MTDH: variants seen among roughly 807,000 people sequenced by gnomAD.
The protein encoded by MTDH is protein LYRIC.
A neutral mutation model predicts 72.7 loss-of-function variants in MTDH; 34 were observed. The ratio of observed to expected loss-of-function variants is 0.47; its 90% CI spans 0.36 to 0.62. The LOEUF (loss-of-function observed/expected upper bound fraction) is 0.62. Ranked by LOEUF, MTDH falls within the 20% of genes least tolerant of loss-of-function variation. The pLI is 0.00. For missense variants in MTDH, 677 were observed against 699.4 expected, an observed-to-expected ratio of 0.97 and a Z score of 0.36; for synonymous variants, 266 against 268.9, an observed-to-expected ratio of 0.99 and a Z score of 0.10.
At position 97,644,637 on chromosome 8, in the gene MTDH, C is replaced by T. The variant is rs748707623; in HGVS notation, c.131C>T (p.Pro44Leu). 2 of 1,610,094 alleles carry T rather than the reference C, an allele frequency of 1.2e-6. No individual in the cohort carries two copies. Among genetic ancestry groups the T allele is most frequent in the Admixed American group, 1.7e-5 (1 of 59,900 alleles). The change falls in exon 1 of 12, where the codon CCG becomes CTG. Residue 44 changes from proline to leucine, a missense_variant. Pro to Leu is a moderately conservative substitution (Grantham distance 98). Around this residue, in one of 3 missense-constraint regions of MTDH, gnomAD observed 467 missense variants for 469.1 expected, o/e 1.00. Coordinates refer to ENST00000336273, the MANE Select transcript of MTDH (RefSeq NM_178812.4). ...CTGGGCCTCGACCTGGGGCTGGAGC[C>T]GAAACGGTACCCCGGCTGGGTGATC... is the stretch of plus-strand genomic sequence containing the variant. ...TELGLDLGLE[P>L]KRYPGWVILV...
At chr8:97,675,579 A>G (rs962681107) in intron 2 of MTDH, among the ~76,000 whole-genome samples, 1 of 130,846 alleles carries the variant, frequency 7.6e-6, no homozygotes, top group Non-Finnish European at 1.6e-5. Context: ...AAAAAAAAAA[A>G]TTACATTCAG....
At chr8:97,686,868 T>C in intron 3 of MTDH, 116 bp downstream of exon 3, 1 of 567,726 alleles carries the variant, frequency 1.8e-6, no homozygotes, top group Non-Finnish European at 2.9e-6. Context: ...TCTTTTTTAT[T>C]ACTGTAGACC....
At position 97,644,643 on chromosome 8, in the gene MTDH, G is replaced by A. The variant is rs370173092; in HGVS notation, c.137G>A (p.Arg46Gln). 2 of 1,610,062 alleles carry A rather than the reference G, an allele frequency of 1.2e-6. No individual in the cohort carries two copies. Among genetic ancestry groups the A allele is most frequent in the Non-Finnish European group, 1.7e-6 (2 of 1,179,118 alleles). The change falls in exon 1 of 12, where the codon CGG becomes CAG. Residue 46 changes from arginine to glutamine, a missense_variant. This residue lies in a region of MTDH where 467 missense variants were observed against 469.1 expected (regional missense o/e 1.00). Coordinates refer to ENST00000336273, the MANE Select transcript of MTDH (RefSeq NM_178812.4). The part of the protein sequence containing the change: ...LGLDLGLEPK[R>Q]YPGWVILVGT... The stretch of plus-strand genomic sequence containing the variant: ...CTCGACCTGGGGCTGGAGCCGAAAC[G>A]GTACCCCGGCTGGGTGATCCTGGTG...
At chr8:97,697,381 GTTTTTTT>G (rs755015450) in intron 6 of MTDH, among the ~76,000 whole-genome samples, 2 of 80,176 alleles carry the variant, frequency 2.5e-5, no homozygotes, top group South Asian at 5.0e-4. Context: ...TATTATTTCG[GTTTTTTT>G]TTTTTTTTTT....
At chr8:97,651,700 G>A (rs1811779028) in intron 1 of MTDH, among the ~76,000 whole-genome samples, 1 of 152,140 alleles carries the variant, frequency 6.6e-6, no homozygotes, top group Non-Finnish European at 1.5e-5. Flanking sequence ...CTGTATATTA[G>A]TCCCTATCTG....
chr8:97,661,601 G>A (rs542327073), intron 2 of MTDH, among the ~76,000 whole-genome samples: 5 of 152,222 alleles, frequency 3.3e-5, no homozygotes, highest in South Asian at 4.1e-4. Context: ...CTGTTGTGTT[G>A]GAAACATAAT....
chr8:97,722,882 A>G lies in MTDH; in HGVS notation c.1525A>G (p.Ile509Val), dbSNP rs1156339511. Residue 509 changes from isoleucine (I) to valine (V), a missense_variant, in exon 11 of 12, where the codon ATC becomes GTC. Around this residue, in one of 3 missense-constraint regions of MTDH, gnomAD observed 201 missense variants for 204.5 expected, o/e 0.98. Transcript: ENST00000336273. ...AEVLVKNSQPIKTLPPATSTE... is the reference protein window; with the variant it reads ...AEVLVKNSQPVKTLPPATSTE... ...AGATGATTTTTTCCTAAAATAGCCT[A>G]TCAAGACTCTTCCACCTGCTACTTC... 1.9e-6 allele frequency: 3 copies of G among 1,606,440 alleles called. No individual in the cohort carries two copies. The East Asian group carries it at 6.7e-5, about 36-fold the overall frequency.
Position 97,724,636 on chromosome 8 carries a change from TAAAAA to T in MTDH, c.1717_1721del (p.Lys573GlufsTer25). ...ACTAGCTGGGAATCTCCCAAACAAA[TAAAAA>T]AGAAGAAAAAAGCCAGACGAGAAAC... On this transcript the variant is annotated frameshift_variant, in exon 12 of 12. Coordinates refer to ENST00000336273, the MANE Select transcript of MTDH (RefSeq NM_178812.4). LOFTEE classifies it high-confidence loss of function. The T allele has an allele frequency of 6.3e-7, 1 of 1,593,400 alleles. No individual in the cohort carries two copies.
At chr8:97,695,554 A>T (rs1813801474) in intron 6 of MTDH, among the ~76,000 whole-genome samples, 1 of 152,250 alleles carries the variant, frequency 6.6e-6, no homozygotes, top group African/African-American at 2.4e-5. Context: ...GGAAAATGAA[A>T]GGGAACTATA....
chr8:97,663,532 A>C (rs1812254467), intron 2 of MTDH, among the ~76,000 whole-genome samples: 3 of 151,682 alleles, frequency 2.0e-5, no homozygotes, highest in African/African-American at 7.3e-5. Context: ...GCAGATCACG[A>C]GGTCAGGAGA....
intron 9 of MTDH, among the ~76,000 whole-genome samples, chr8:97,717,311 C>T (rs546896830): frequency 2.1e-4 from 32 of 152,262 alleles, no homozygotes; most frequent in South Asian, 6.2e-4. Context: ...ATACAGTAAT[C>T]CTTCTATTTA....
intron 2 of MTDH, among the ~76,000 whole-genome samples, chr8:97,682,981 A>G (rs185195904): frequency 6.7e-6 from 1 of 149,962 alleles, no homozygotes; most frequent in East Asian, 2.0e-4. Flanking sequence ...TTGCAAGGGT[A>G]AAGTGGATCA....
At chr8:97,653,070 G>T (rs1163707861) in intron 1 of MTDH, among the ~76,000 whole-genome samples, 1 of 150,512 alleles carries the variant, frequency 6.6e-6, no homozygotes, top group Non-Finnish European at 1.5e-5. Flanking sequence ...AGTGAGCCGA[G>T]ATCGCACCAC....
chr8:97,697,150 A>ATATATATATATATATTTT, intron 6 of MTDH, among the ~76,000 whole-genome samples: 1 of 68,796 alleles, frequency 1.5e-5, no homozygotes, highest in African/African-American at 9.1e-5. Context: ...ATATATATAT[A>ATATATATATATATATTTT]TTTTTTTTTT....
intron 7 of MTDH, among the ~76,000 whole-genome samples, chr8:97,705,017 G>A (rs937148791): frequency 6.6e-6 from 1 of 152,324 alleles, no homozygotes; most frequent in Non-Finnish European, 1.5e-5. Flanking sequence ...AATTGAGTAA[G>A]GCCGGGCACA....
intron 2 of MTDH, among the ~76,000 whole-genome samples, chr8:97,666,529 C>A (rs1022491377): frequency 3.3e-4 from 50 of 152,172 alleles, no homozygotes; most frequent in African/African-American, 1.2e-3. Context: ...CCCTAGTGAC[C>A]CTTTCATTAG....
intron 9 of MTDH, among the ~76,000 whole-genome samples, chr8:97,716,016 C>T (rs1362174472): frequency 1.3e-5 from 2 of 151,708 alleles, no homozygotes; most frequent in Non-Finnish European, 2.9e-5. Flanking sequence ...GCACAAGTTA[C>T]ATAATTGCAT....
At position 97,727,012 on chromosome 8, in the gene MTDH, A is replaced by C. The variant is rs1209312069; in HGVS notation, c.*2342A>C. 6.6e-6 allele frequency: 1 copy of C among 151,316 alleles called. No individual in the cohort carries two copies. The highest frequency in any genetic ancestry group is 1.5e-5 in the Non-Finnish European group (1 of 67,896). 9.4% of individuals were successfully genotyped at this position (151,316 alleles called of 1,614,324 possible). On this transcript the variant is annotated 3_prime_UTR_variant, in exon 12 of 12. Coordinates refer to ENST00000336273, the MANE Select transcript of MTDH (RefSeq NM_178812.4). ...AGAATCATTTGAACCCAGGAGACGG[A>C]GTTTGCAAAGCCAAGATCGTGCCAC...
rs866434535 is a variant in MTDH at position 97,698,128 on chromosome 8, A to G, written c.1049-1626A>G. The stretch of plus-strand genomic sequence containing the variant: ...TCTGTAACCAAGAAGAAATTTATAA[A>G]TTAGTAGTAAGGACTCACGTGGGAG... On this transcript the variant is annotated intron_variant, in intron 6 of 11. Coordinates refer to ENST00000336273, the MANE Select transcript of MTDH (RefSeq NM_178812.4). Among the ~76,000 whole-genome samples, 8 of 152,370 alleles carry G rather than the reference A, an allele frequency of 5.3e-5. 1 individual carries two copies. In the South Asian group the frequency reaches 1.7e-3, roughly 32 times the overall value.
Sources: allele counts gnomAD v4.1 joint callset (sites outside exome capture counted in the v4.1 genomes callset), GRCh38; gene constraint gnomAD v4.1.1; regional missense constraint gnomAD v4.1.1; transcripts MANE v1.5; gene names NCBI Gene and HGNC (gene_info 2026-07-23, HGNC 2026-07-21).